Variants in FSIP1 observed in about 807,000 individuals in gnomAD.
FSIP1 encodes fibrous sheath interacting protein 1.
FSIP1 carries 65 observed loss-of-function variants against 60.9 expected under a neutral mutation model. The ratio of observed to expected loss-of-function variants is 1.07; its 90% CI spans 0.87 to 1.31. The LOEUF is 1.31. FSIP1 is among the 40% of genes most tolerant of loss of function. The pLI, the probability that FSIP1 is intolerant of heterozygous loss-of-function variation, is 0.00. For synonymous variants in FSIP1, 209 were observed against 221.2 expected, an observed-to-expected ratio of 0.94 and a Z score of 0.49; for missense variants, 675 against 665.5, an observed-to-expected ratio of 1.01 and a Z score of -0.16.
intron 10 of FSIP1, among the ~76,000 whole-genome samples, chr15:39,619,862 A>G (rs1000046771): frequency 2.0e-5 from 3 of 152,202 alleles, no homozygotes; most frequent in Non-Finnish European, 4.4e-5. Context: ...GACACTAGAA[A>G]AAAAATCAGT....
intron 5 of FSIP1, among the ~76,000 whole-genome samples, chr15:39,746,049 A>G (rs910503160): frequency 3.9e-5 from 6 of 152,190 alleles, no homozygotes; most frequent in Non-Finnish European, 8.8e-5. Flanking sequence ...ACTGCACTAC[A>G]GCCTGGGCAA....
intron 5 of FSIP1, among the ~76,000 whole-genome samples, chr15:39,753,465 T>C (rs187887048): frequency 2.0e-5 from 3 of 152,178 alleles, no homozygotes; most frequent in African/African-American, 7.2e-5. Context: ...CTTATAAATA[T>C]AGATGCAAAA....
chr15:39,687,965 C>G (rs569120057), intron 10 of FSIP1, among the ~76,000 whole-genome samples: 51 of 152,160 alleles, frequency 3.4e-4, no homozygotes, highest in African/African-American at 1.2e-3. Flanking sequence ...CCAAACCAAG[C>G]CAAAGAACTT....
rs1042136657 is a variant in FSIP1, at chr15:39,713,658, C to A, written c.1051-77G>T. The A allele has an allele frequency of 3.2e-5, 42 of 1,328,824 alleles. 1 individual carries two copies. Among genetic ancestry groups the A allele is most frequent in the Middle Eastern group, 3.8e-4 (2 of 5,324 alleles). 82.3% of individuals were successfully genotyped at this position (1,328,824 alleles called of 1,614,324 possible). Reference sequence around the variant, plus strand: ...CACATACCACCTCAAAGCAACTGAGCCTTGAGGGTTAGCTTTGCTTCTCAA... The same window carrying A: ...CACATACCACCTCAAAGCAACTGAGACTTGAGGGTTAGCTTTGCTTCTCAA... On this transcript the variant is annotated intron_variant, in intron 9 of 11. Transcript: ENST00000350221.
At chr15:39,668,403 G>A (rs942222998) in intron 10 of FSIP1, among the ~76,000 whole-genome samples, 4 of 151,946 alleles carry the variant, frequency 2.6e-5, no homozygotes, top group African/African-American at 4.8e-5. Flanking sequence ...TTAATATGTC[G>A]ACACTAAAGG....
chr15:39,734,434 GT>G (rs1385064360), intron 8 of FSIP1, among the ~76,000 whole-genome samples: 1 of 152,200 alleles, frequency 6.6e-6, no homozygotes, highest in African/African-American at 2.4e-5. Context: ...GAAGCATACT[GT>G]TTTTAAAGGT....
chr15:39,625,160 T>C (rs768035734), intron 10 of FSIP1, among the ~76,000 whole-genome samples: 4 of 152,150 alleles, frequency 2.6e-5, no homozygotes, highest in Non-Finnish European at 5.9e-5. Context: ...TGGGTTTGCC[T>C]GGTGAGAGGC....
intron 10 of FSIP1, among the ~76,000 whole-genome samples, chr15:39,625,628 G>C (rs940476215): frequency 6.6e-6 from 1 of 152,158 alleles, no homozygotes; most frequent in Non-Finnish European, 1.5e-5. Flanking sequence ...TGAGCAAGTC[G>C]CCGGAATGGC....
At chr15:39,677,093 G>T (rs896977336) in intron 10 of FSIP1, among the ~76,000 whole-genome samples, 2 of 152,108 alleles carry the variant, frequency 1.3e-5, no homozygotes, top group Non-Finnish European at 2.9e-5. Flanking sequence ...ATGGTACAAA[G>T]GTAGACAAAT....
intron 8 of FSIP1, among the ~76,000 whole-genome samples, chr15:39,735,455 TC>T (rs1177830327): frequency 6.6e-6 from 1 of 152,136 alleles, no homozygotes; most frequent in African/African-American, 2.4e-5. Context: ...GGTATAAAAA[TC>T]TTTTTAATGG....
intron 5 of FSIP1, among the ~76,000 whole-genome samples, chr15:39,749,465 T>C (rs1897101225): frequency 6.6e-6 from 1 of 151,972 alleles, no homozygotes. Context: ...AGACTACACA[T>C]CATGATCAAG....
At chr15:39,738,317 T>C (rs960295490) in intron 7 of FSIP1, 116 bp from the exon 8 acceptor site, 16 of 609,854 alleles carry the variant, frequency 2.6e-5, no homozygotes, top group Non-Finnish European at 3.6e-5. Flanking sequence ...GTTGCAAGAT[T>C]AGGCATTTTA....
At chr15:39,734,994 G>A (rs1896552622) in intron 8 of FSIP1, among the ~76,000 whole-genome samples, 1 of 152,096 alleles carries the variant, frequency 6.6e-6, no homozygotes, top group Non-Finnish European at 1.5e-5. Flanking sequence ...TTAACAAAAA[G>A]TCATTATGAA....
chr15:39,654,892 C>A (rs764540732), intron 10 of FSIP1, among the ~76,000 whole-genome samples: 1 of 152,162 alleles, frequency 6.6e-6, no homozygotes, highest in Non-Finnish European at 1.5e-5. Flanking sequence ...GGTTTGTCTG[C>A]CCAGAGGCTT....
rs536201152 is a variant in FSIP1 at position 39,726,599 on chromosome 15, C to T, written c.1040G>A (p.Arg347Gln). 27 of 1,613,884 alleles carry T rather than the reference C, an allele frequency of 1.7e-5. No individual in the cohort carries two copies. The highest frequency in any genetic ancestry group is 1.6e-4 in the Middle Eastern group (1 of 6,062). ...GGGTTCTTCAAATACCTGATTATTC[C>T]GATTTTCAAGTCTTGGAGAAAAACT... The part of the protein sequence containing the change: ...ISSFSPRLEN[R>Q]NNQKPDRDGE... The change falls in exon 9 of 12, where the codon CGG becomes CAG. Residue 347 changes from arginine (R) to glutamine (Q), a missense_variant. Physicochemically the swap from Arg to Gln is conservative, Grantham distance 43. Transcript: ENST00000350221.
chr15:39,717,974 T>G (rs1895806635), intron 9 of FSIP1, among the ~76,000 whole-genome samples: 1 of 152,192 alleles, frequency 6.6e-6, no homozygotes, highest in African/African-American at 2.4e-5. Flanking sequence ...GCTAACCCTT[T>G]GCCCATGTCC....
At chr15:39,678,662 C>A (rs1894039924) in intron 10 of FSIP1, among the ~76,000 whole-genome samples, 1 of 152,148 alleles carries the variant, frequency 6.6e-6, no homozygotes, top group East Asian at 1.9e-4. Context: ...ACTACTAATT[C>A]TTAACAAGGG....
chr15:39,626,715 C>T (rs879179899), intron 10 of FSIP1, among the ~76,000 whole-genome samples: 2 of 152,168 alleles, frequency 1.3e-5, no homozygotes, highest in African/African-American at 2.4e-5. Flanking sequence ...CTCTGCCTTC[C>T]GCCATGATCC....
intron 10 of FSIP1, among the ~76,000 whole-genome samples, chr15:39,686,898 G>A (rs1191263925): frequency 6.6e-6 from 1 of 152,078 alleles, no homozygotes; most frequent in African/African-American, 2.4e-5. Context: ...CAGGAGAATG[G>A]GGCAGACAGT....
Sources: gnomAD v4.1 joint callset for allele counts (sites outside exome capture counted in the v4.1 genomes callset) on GRCh38, gnomAD v4.1.1 for gene constraint, MANE v1.5 for transcripts, NCBI Gene and HGNC (gene_info 2026-07-23, HGNC 2026-07-21) for gene names.